The following LRP1B variants were observed in gnomAD, a reference collection of about 807,000 sequenced individuals.
The protein encoded by LRP1B is low-density lipoprotein receptor-related protein 1B.
LRP1B carries 217 observed loss-of-function variants against 556.6 expected under a neutral mutation model. The ratio of observed to expected loss-of-function variants is 0.39; its 90% CI spans 0.35 to 0.44. The LOEUF (loss-of-function observed/expected upper bound fraction) is 0.44. Among genes scored for constraint, LRP1B ranks in the 20% least tolerant of loss-of-function variants. The pLI is 1.00. For missense variants in LRP1B, 5,053 were observed against 5,620.8 expected, an observed-to-expected ratio of 0.90 and a Z score of 3.23; for synonymous variants, 2,047 against 1,865.8, an observed-to-expected ratio of 1.10 and a Z score of -2.50.
intron 35 of LRP1B, among the ~76,000 whole-genome samples, chr2:140,749,235 C>G (rs79863130): frequency 6.6e-6 from 1 of 152,140 alleles, no homozygotes; most frequent in Non-Finnish European, 1.5e-5. Flanking sequence ...TGTGAAGGTC[C>G]AGGACATTAG....
intron 43 of LRP1B, among the ~76,000 whole-genome samples, chr2:140,568,895 C>A (rs1252463096): frequency 6.6e-6 from 1 of 152,016 alleles, no homozygotes; most frequent in East Asian, 1.9e-4. Context: ...GAAAAGCTAA[C>A]CTTTAGTAAT....
chr2:140,699,516 G>A (rs1157158007), intron 41 of LRP1B, among the ~76,000 whole-genome samples: 2 of 151,516 alleles, frequency 1.3e-5, no homozygotes, highest in Non-Finnish European at 3.0e-5. Flanking sequence ...AATTTAGAAA[G>A]CAAAGAAAAA....
chr2:141,629,116 A>C (rs1265767118), intron 2 of LRP1B, among the ~76,000 whole-genome samples: 1 of 152,170 alleles, frequency 6.6e-6, no homozygotes, highest in Non-Finnish European at 1.5e-5. Context: ...CAAACTTACT[A>C]TGACTAATGA....
At chr2:141,227,780 T>G (rs988768556) in intron 6 of LRP1B, among the ~76,000 whole-genome samples, 4 of 152,222 alleles carry the variant, frequency 2.6e-5, no homozygotes, top group Non-Finnish European at 4.4e-5. Context: ...ATAGTATTAT[T>G]TCTTTACATA....
chr2:140,397,292 A>G (rs1423380593), intron 66 of LRP1B, among the ~76,000 whole-genome samples: 1 of 152,058 alleles, frequency 6.6e-6, no homozygotes, highest in African/African-American at 2.4e-5. Context: ...TCACCTAGGT[A>G]TTAAGCCCAG....
intron 5 of LRP1B, 74 bp from the exon 6 acceptor site, chr2:141,229,514 G>T: frequency 8.8e-7 from 1 of 1,135,390 alleles, no homozygotes; most frequent in Non-Finnish European, 1.3e-6. Context: ...CCTAGTTATT[G>T]AAAGCTATTT....
chr2:142,029,710 T>C (rs924459950), intron 1 of LRP1B, among the ~76,000 whole-genome samples: 1 of 151,912 alleles, frequency 6.6e-6, no homozygotes, highest in Non-Finnish European at 1.5e-5. Context: ...TGTTTGTGCC[T>C]GTAGAAAGCC....
At chr2:142,116,192 C>CAAAAAAAA (rs70994477) in intron 1 of LRP1B, among the ~76,000 whole-genome samples, 7 of 65,454 alleles carry the variant, frequency 1.1e-4, no homozygotes, top group Admixed American at 2.1e-4. Context: ...GAGTCTGTCT[C>CAAAAAAAA]AAAAAAAAAA....
chr2:140,415,095 T>C (rs1685131204), intron 66 of LRP1B, among the ~76,000 whole-genome samples: 1 of 152,194 alleles, frequency 6.6e-6, no homozygotes, highest in South Asian at 2.1e-4. Context: ...TGCAGTACCC[T>C]CAGGCTTACT....
intron 86 of LRP1B, among the ~76,000 whole-genome samples, chr2:140,252,105 A>AC (rs1681463473): frequency 6.7e-6 from 1 of 149,042 alleles, no homozygotes; most frequent in African/African-American, 2.5e-5. Flanking sequence ...AAAACAAAAA[A>AC]AAACAGAAAA....
intron 2 of LRP1B, among the ~76,000 whole-genome samples, chr2:141,745,304 T>C (rs1208034520): frequency 6.6e-6 from 1 of 152,146 alleles, no homozygotes; most frequent in African/African-American, 2.4e-5. Flanking sequence ...CAAGTGGGTC[T>C]TTCCAGGAGC....
At chr2:140,236,855 A>T (rs1680727029) in intron 89 of LRP1B, among the ~76,000 whole-genome samples, 1 of 151,028 alleles carries the variant, frequency 6.6e-6, no homozygotes, top group Non-Finnish European at 1.5e-5. Context: ...CTGTGTATCT[A>T]GATTTGCTAA....
rs759152112 is a variant in LRP1B at position 140,534,029 on chromosome 2, T to C, written c.7754A>G (p.Asp2585Gly). 18 of 1,613,376 alleles carry C rather than the reference T, an allele frequency of 1.1e-5. No individual in the cohort carries two copies. Among genetic ancestry groups the C allele is most frequent in the Middle Eastern group, 1.6e-4 (1 of 6,074 alleles). Reference protein sequence around the residue: ...NDCGDNSDELDCKVSTCATVE... With the variant: ...NDCGDNSDELGCKVSTCATVE... ...ATGGAACAAGTATTTACCTTTACAA[T>C]CTAATTCATCAGAGTTGTCTCCGCA... Residue 2585 changes from aspartate (D) to glycine (G), a missense_variant, in exon 47 of 91, where the codon GAT (aspartate) becomes GGT (glycine). Coordinates refer to ENST00000389484, the MANE Select transcript of LRP1B (RefSeq NM_018557.3).
At chr2:141,503,549 A>C (rs1343166056) in intron 2 of LRP1B, among the ~76,000 whole-genome samples, 3 of 152,100 alleles carry the variant, frequency 2.0e-5, no homozygotes, top group African/African-American at 7.2e-5. Flanking sequence ...TGTAGAAGTA[A>C]TGCAAGTAAA....
At chr2:142,128,723 T>C (rs1256164361) in intron 1 of LRP1B, among the ~76,000 whole-genome samples, 3 of 152,212 alleles carry the variant, frequency 2.0e-5, no homozygotes, top group Non-Finnish European at 4.4e-5. Flanking sequence ...GACGTGGTGA[T>C]ACAACACGAC....
intron 2 of LRP1B, among the ~76,000 whole-genome samples, chr2:141,761,451 A>G (rs1694544219): frequency 6.6e-6 from 1 of 152,124 alleles, no homozygotes; most frequent in South Asian, 2.1e-4. Context: ...AAATCATTTG[A>G]AAAATAACAC....
intron 2 of LRP1B, among the ~76,000 whole-genome samples, chr2:141,668,389 T>C (rs1007839555): frequency 2.0e-5 from 3 of 152,152 alleles, no homozygotes; most frequent in Admixed American, 1.3e-4. Flanking sequence ...GGCCAAATGT[T>C]GCCTTTTGGC....
At chr2:141,308,046 C>T (rs1686666151) in intron 3 of LRP1B, among the ~76,000 whole-genome samples, 1 of 152,108 alleles carries the variant, frequency 6.6e-6, no homozygotes, top group South Asian at 2.1e-4. Context: ...ACCTTATGGT[C>T]TTCAGAAGAA....
chr2:140,371,445 T>G (rs996293463), intron 69 of LRP1B, among the ~76,000 whole-genome samples, 160 bp from the exon 70 acceptor site: 1 of 151,836 alleles, frequency 6.6e-6, no homozygotes, highest in Admixed American at 6.6e-5. Flanking sequence ...TCATTTAAAT[T>G]ATTTAAATAA....
Sources: allele counts gnomAD v4.1 joint callset (sites outside exome capture counted in the v4.1 genomes callset), GRCh38; gene constraint gnomAD v4.1.1; transcripts MANE v1.5; gene names NCBI Gene and HGNC (gene_info 2026-07-23, HGNC 2026-07-21).